Variants in FAM114A2 observed in about 807,000 individuals in gnomAD.
The protein encoded by FAM114A2 is protein FAM114A2.
A neutral mutation model predicts 58.4 loss-of-function variants in FAM114A2; 53 were observed. The observed-to-expected ratio is 0.91, with a 90% CI of 0.73 to 1.14. FAM114A2 has a LOEUF of 1.14. Ranked by LOEUF, FAM114A2 falls within the 50% of genes most tolerant of loss-of-function variation. The pLI, the probability that FAM114A2 is intolerant of heterozygous loss-of-function variation, is 0.00. For missense variants in FAM114A2, 601 were observed against 581.1 expected, an observed-to-expected ratio of 1.03 and a Z score of -0.35; for synonymous variants, 228 against 211.4, an observed-to-expected ratio of 1.08 and a Z score of -0.68.
chr5:154,021,736 A>G (rs1771433744), intron 8 of FAM114A2, among the ~76,000 whole-genome samples: 2 of 152,310 alleles, frequency 1.3e-5, no homozygotes, highest in South Asian at 4.1e-4. Context: ...GGTAATTTAT[A>G]GATTCAATGC....
rs1435358827 is a variant in FAM114A2, at chr5:154,034,944, T to C, written c.10A>G (p.Lys4Glu). 4 of 1,613,082 alleles carry C rather than the reference T, an allele frequency of 2.5e-6. No homozygotes were observed. The highest frequency in any genetic ancestry group is 2.5e-6 in the Non-Finnish European group (3 of 1,179,192). The change falls in exon 2 of 14, where the codon AAA becomes GAA. Residue 4 changes from lysine to glutamate, a missense_variant. Coordinates refer to ENST00000351797, the MANE Select transcript of FAM114A2 (RefSeq NM_018691.4). ...AGCAGTGGAGTCTCAATATCATCTTTATCTGACATGATTAGAACATCAGCT... is the reference window on the plus strand; with the variant it reads ...AGCAGTGGAGTCTCAATATCATCTTCATCTGACATGATTAGAACATCAGCT... MSD[K>E]DDIETPLLTE...
chr5:154,021,702 C>T (rs1304153875), intron 8 of FAM114A2, among the ~76,000 whole-genome samples: 1 of 152,092 alleles, frequency 6.6e-6, no homozygotes, highest in Admixed American at 6.6e-5. Flanking sequence ...GAATCAATAT[C>T]GTGAAAATGG....
At chr5:154,015,837 G>A (rs184618260) in intron 8 of FAM114A2, among the ~76,000 whole-genome samples, 1,598 of 152,090 alleles carry the variant, frequency 0.011, 17 homozygotes, top group Non-Finnish European at 0.014. Flanking sequence ...AGGCACCACA[G>A]AAAGGCAAAG....
At chr5:154,001,765 G>T (rs1277248990) in intron 11 of FAM114A2, among the ~76,000 whole-genome samples, 1 of 152,042 alleles carries the variant, frequency 6.6e-6, no homozygotes, top group Non-Finnish European at 1.5e-5. Context: ...TCAGACCTGG[G>T]GCTAAATCCC....
intron 4 of FAM114A2, among the ~76,000 whole-genome samples, chr5:154,030,966 A>G (rs1581835558): frequency 6.6e-6 from 1 of 152,096 alleles, no homozygotes; most frequent in East Asian, 1.9e-4. Flanking sequence ...GCAGAGATAA[A>G]CAGTACTTAG....
rs753425134 is a variant in FAM114A2 at position 154,034,878 on chromosome 5, G to T, written c.76C>A (p.Pro26Thr). The change falls in exon 2 of 14, where the codon CCA (proline) becomes ACA (threonine). Residue 26 changes from proline (P) to threonine (T), a missense_variant. Transcript: ENST00000351797. ...TCAACAGACTCAGAATTCTTGGCTG[G>T]CTCACAGTTTCCATCTTCAAGGATG... is the stretch of plus-strand genomic sequence containing the variant. The part of the protein sequence containing the change: ...APILEDGNCE[P>T]AKNSESVDQG... 1.2e-6 allele frequency: 2 copies of T among 1,613,758 alleles called. No individual in the cohort carries two copies. The highest frequency in any genetic ancestry group is 2.7e-5 in the African/African-American group (2 of 74,888).
At chr5:154,020,915 G>T (rs533315600) in intron 8 of FAM114A2, among the ~76,000 whole-genome samples, 2 of 151,986 alleles carry the variant, frequency 1.3e-5, no homozygotes, top group African/African-American at 2.4e-5. Flanking sequence ...CTGGCAAACC[G>T]AATCCAGCAG....
At chr5:154,025,759 A>G (rs962130118) in intron 8 of FAM114A2, among the ~76,000 whole-genome samples, 1 of 152,204 alleles carries the variant, frequency 6.6e-6, no homozygotes, top group African/African-American at 2.4e-5. Context: ...TAAAATGTCA[A>G]TAAAACAACC....
intron 11 of FAM114A2, among the ~76,000 whole-genome samples, chr5:153,999,491 T>C (rs566179095): frequency 1.6e-4 from 25 of 152,024 alleles, no homozygotes; most frequent in African/African-American, 5.8e-4. Flanking sequence ...AAAAATTAGC[T>C]GGGCATGGTG....
intron 5 of FAM114A2, 108 bp from the exon 6 acceptor site, chr5:154,028,391 T>C (rs1388484567): frequency 1.4e-6 from 1 of 709,912 alleles, no homozygotes; most frequent in Non-Finnish European, 2.2e-6. Context: ...TACCAAGCAC[T>C]GGCAAGAATG....
chr5:154,027,720 T>C (rs1489895361), intron 6 of FAM114A2, among the ~76,000 whole-genome samples: 4 of 152,132 alleles, frequency 2.6e-5, no homozygotes, highest in African/African-American at 4.8e-5. Context: ...AGGTTGATCT[T>C]GTACTCCTGA....
chr5:154,029,398 C>T lies in FAM114A2; in HGVS notation c.495+91G>A. Reference sequence around the variant, plus strand: ...TGGACTCCTTTAAAAGTAATCAGTCCACATGGCTGTTCAAAGAAAAGAGAG... The same window carrying T: ...TGGACTCCTTTAAAAGTAATCAGTCTACATGGCTGTTCAAAGAAAAGAGAG... On this transcript the variant is annotated intron_variant, in intron 5 of 13. Coordinates refer to ENST00000351797, the MANE Select transcript of FAM114A2 (RefSeq NM_018691.4). The T allele has an allele frequency of 3.8e-6, 3 of 779,926 alleles. No homozygotes were observed. In the South Asian group the frequency reaches 4.3e-5, roughly 11 times the overall value. 48.3% of individuals were successfully genotyped at this position (779,926 alleles called of 1,614,324 possible). A position where few individuals can be genotyped will look rare whatever the true frequency, so the allele number is the denominator to read the frequency against.
At chr5:154,016,331 A>G (rs1342877384) in intron 8 of FAM114A2, among the ~76,000 whole-genome samples, 1 of 152,154 alleles carries the variant, frequency 6.6e-6, no homozygotes, top group Non-Finnish European at 1.5e-5. Flanking sequence ...ATCTAAAGTT[A>G]AGACAAGGGA....
rs1329443179 is a variant in FAM114A2 at position 154,033,901 on chromosome 5, T to G, written c.311-18A>C. 1.7e-6 allele frequency: 2 copies of G among 1,187,282 alleles called. No homozygotes were observed. Among genetic ancestry groups the G allele is most frequent in the East Asian group, 5.7e-5 (2 of 35,036 alleles). The allele number at this position is 1,187,282 out of a possible 1,614,324, so 73.5% of individuals were successfully genotyped here. A position where few individuals can be genotyped will look rare whatever the true frequency, so the allele number is the denominator to read the frequency against. On this transcript the variant is annotated intron_variant, in intron 3 of 13. Coordinates refer to ENST00000351797, the MANE Select transcript of FAM114A2 (RefSeq NM_018691.4). ...GCCTTGTCCTAATGAGAAAAATAACTTTTTTTTTTGCTATTTGTCACCAAA... is the reference window on the plus strand; with the variant it reads ...GCCTTGTCCTAATGAGAAAAATAACGTTTTTTTTTGCTATTTGTCACCAAA...
intron 8 of FAM114A2, among the ~76,000 whole-genome samples, chr5:154,022,526 C>T (rs1239161364): frequency 2.6e-5 from 4 of 152,266 alleles, no homozygotes; most frequent in South Asian, 4.1e-4. Flanking sequence ...CCAATAGACA[C>T]GTGAAAAAAT....
At chr5:154,015,636 T>C (rs914713597) in intron 8 of FAM114A2, among the ~76,000 whole-genome samples, 2 of 152,132 alleles carry the variant, frequency 1.3e-5, no homozygotes, top group Admixed American at 1.3e-4. Context: ...CCTTGAGCCC[T>C]AGACCTTTCC....
In FAM114A2 at chr5:154,009,933, A is replaced by G. The variant is rs60399286; in HGVS notation, c.993+1308T>C. Among the ~76,000 whole-genome samples the G allele has an allele frequency of 3.3e-3, 496 of 152,352 alleles. 2 individuals carry two copies. Among genetic ancestry groups the G allele is most frequent in the African/African-American group, 0.011 (469 of 41,582 alleles). ...AGGAAAAAGTTTGGTATTATTGGAC[A>G]TTATTGGGTCAACTGATGTAACTGA... On this transcript the variant is annotated intron_variant, in intron 9 of 13. Transcript: ENST00000351797.
At chr5:154,035,401 C>T (rs1346119722) in intron 1 of FAM114A2, among the ~76,000 whole-genome samples, 1 of 152,184 alleles carries the variant, frequency 6.6e-6, no homozygotes, top group East Asian at 1.9e-4. Flanking sequence ...TGTCCTCCAT[C>T]TCTGTAATTC....
At chr5:154,003,418 A>AT (rs1424916899) in intron 9 of FAM114A2, among the ~76,000 whole-genome samples, 1 of 152,098 alleles carries the variant, frequency 6.6e-6, no homozygotes, top group Non-Finnish European at 1.5e-5. Flanking sequence ...ACCTCAGGTG[A>AT]TCCCCCTGCC....
Sources: gnomAD v4.1 joint callset for allele counts (sites outside exome capture counted in the v4.1 genomes callset) on GRCh38, gnomAD v4.1.1 for gene constraint, MANE v1.5 for transcripts, NCBI Gene and HGNC (gene_info 2026-07-23, HGNC 2026-07-21) for gene names.